The following ANKS1A variants were observed in gnomAD, a reference collection of about 807,000 sequenced individuals.
The protein encoded by ANKS1A is ankyrin repeat and SAM domain-containing protein 1A.
ANKS1A carries 55 observed loss-of-function variants against 120.3 expected under a neutral mutation model. That is an observed-to-expected ratio of 0.46 (90% CI 0.37 to 0.57). The LOEUF (loss-of-function observed/expected upper bound fraction) is 0.57, where lower values mean the gene tolerates loss of function less well. ANKS1A is among the 20% of genes least tolerant of loss of function. The pLI is 0.00. For synonymous variants in ANKS1A, 590 were observed against 604.7 expected (o/e 0.98, Z 0.36); for missense variants, 1,123 against 1,480.3 (o/e 0.76, Z 3.96).
At chr6:34,986,022 T>C (rs1302832447) in intron 8 of ANKS1A, among the ~76,000 whole-genome samples, 1 of 152,196 alleles carries the variant, frequency 6.6e-6, no homozygotes, top group Non-Finnish European at 1.5e-5. Flanking sequence ...CCAAACACCA[T>C]AGCTTAGCCT....
At chr6:34,918,753 C>T (rs1369326622) in intron 1 of ANKS1A, among the ~76,000 whole-genome samples, 2 of 152,280 alleles carry the variant, frequency 1.3e-5, no homozygotes, top group Non-Finnish European at 2.9e-5. Flanking sequence ...TGACAACACA[C>T]ATGAAATTTT....
intron 1 of ANKS1A, among the ~76,000 whole-genome samples, chr6:34,903,674 C>T (rs924856875): frequency 1.5e-4 from 23 of 151,898 alleles, no homozygotes; most frequent in East Asian, 7.7e-4. Context: ...ATTTTTTGTT[C>T]GTTTGTTTTG....
At chr6:34,894,599 C>G (rs1254012402) in intron 1 of ANKS1A, among the ~76,000 whole-genome samples, 1 of 152,068 alleles carries the variant, frequency 6.6e-6, no homozygotes, top group Non-Finnish European at 1.5e-5. Context: ...CTGCAGTGAG[C>G]CAAGATTGTT....
Position 35,090,328 on chromosome 6 carries a change from CT to C in ANKS1A, c.*1720del. On this transcript the variant is annotated 3_prime_UTR_variant, in exon 24 of 24. Coordinates refer to ENST00000360359, the MANE Select transcript of ANKS1A (RefSeq NM_015245.3). ...CCTAAAGCATCCAGAGTAGACTGCG[CT>C]GCCACTGCGCACATGCTGGTGCCCG... 1.6e-6 allele frequency: 2 copies of C among 1,285,466 alleles called. No individual in the cohort carries two copies. Among genetic ancestry groups the C allele is most frequent in the South Asian group, 2.5e-5 (2 of 80,752 alleles). 79.6% of individuals were successfully genotyped at this position (1,285,466 alleles called of 1,614,324 possible).
chr6:34,954,963 A>G (rs953320394), intron 1 of ANKS1A, among the ~76,000 whole-genome samples: 83 of 151,998 alleles, frequency 5.5e-4, no homozygotes, highest in African/African-American at 1.9e-3. Flanking sequence ...CTCCCCCTTC[A>G]TCCTTCAAGT....
At chr6:34,979,291 G>A (rs191719476) in intron 3 of ANKS1A, among the ~76,000 whole-genome samples, 279 of 152,306 alleles carry the variant, frequency 1.8e-3, no homozygotes, top group African/African-American at 6.3e-3. Flanking sequence ...GGCTCAAAAA[G>A]CCTACAGTAA....
chr6:34,973,216 A>T (rs1446767109), intron 3 of ANKS1A, among the ~76,000 whole-genome samples: 1 of 152,140 alleles, frequency 6.6e-6, no homozygotes, highest in Non-Finnish European at 1.5e-5. Context: ...TCTCTGCCTG[A>T]TGCTTTAAAA....
Position 35,017,970 on chromosome 6 carries a change from A to G in ANKS1A, c.1921A>G (p.Met641Val). 6.2e-7 allele frequency: 1 copy of G among 1,614,182 alleles called. No individual in the cohort carries two copies. The highest frequency in any genetic ancestry group is 8.5e-7 in the Non-Finnish European group (1 of 1,180,038). Residue 641 changes from methionine (M) to valine (V), a missense_variant, in exon 11 of 24, where the codon ATG (methionine) becomes GTG (valine). This residue lies in a region of ANKS1A where 904 missense variants were observed against 1,130.4 expected (regional missense o/e 0.80). Transcript: ENST00000360359. Reference protein sequence around the residue: ...LTCSPTEDATMGSRSESLSNC... With the variant: ...LTCSPTEDATVGSRSESLSNC... ...CTGCTCACCCACAGAGGACGCTACC[A>G]TGGGGAGTCGGAGTGAGTCCTTATC... is the stretch of plus-strand genomic sequence containing the variant.
intron 10 of ANKS1A, among the ~76,000 whole-genome samples, chr6:35,003,244 C>A (rs952426810): frequency 3.9e-5 from 6 of 152,078 alleles, no homozygotes; most frequent in Admixed American, 1.3e-4. Context: ...GGATACCAGA[C>A]CCCCATTTAC....
Position 35,091,101 on chromosome 6 carries a change from C to T in ANKS1A, c.*2492C>T, listed in dbSNP as rs1778282315. ...AGAAAGCAGCTCAGAAGTATTGTTG[C>T]TCATGGTGTGGCAATGGACTGAACT... On this transcript the variant is annotated 3_prime_UTR_variant, in exon 24 of 24. Coordinates refer to ENST00000360359, the MANE Select transcript of ANKS1A (RefSeq NM_015245.3). The T allele has an allele frequency of 1.0e-5, 10 of 985,798 alleles. No homozygotes were observed. In the South Asian group the frequency reaches 4.7e-4, roughly 46 times the overall value. 61.1% of individuals were successfully genotyped at this position (985,798 alleles called of 1,614,324 possible).
Position 35,076,074 on chromosome 6 carries a change from A to G in ANKS1A, c.2185-2484A>G, listed in dbSNP as rs569369304. 8.3e-4 allele frequency among the ~76,000 whole-genome samples: 126 copies of G among 152,274 alleles called. 1 individual carries two copies. Among genetic ancestry groups the G allele is most frequent in the Non-Finnish European group, 9.6e-4 (65 of 68,018 alleles). ...GCCATTGCACCTGGCCAATTTTCTT[A>G]TTATGTAAAGAACTCCTACATAGCT... On this transcript the variant is annotated intron_variant, in intron 13 of 23. Coordinates refer to ENST00000360359, the MANE Select transcript of ANKS1A (RefSeq NM_015245.3).
At chr6:34,896,056 C>G (rs528739415) in intron 1 of ANKS1A, among the ~76,000 whole-genome samples, 59 of 150,728 alleles carry the variant, frequency 3.9e-4, no homozygotes, top group Non-Finnish European at 7.5e-4. Context: ...AGCCACCGTG[C>G]CTGGCCTTTT....
At chr6:35,040,012 C>T (rs1775376259) in intron 11 of ANKS1A, among the ~76,000 whole-genome samples, 1 of 152,170 alleles carries the variant, frequency 6.6e-6, no homozygotes, top group African/African-American at 2.4e-5. Flanking sequence ...TAAACCCTAC[C>T]CTCATGAATT....
chr6:35,022,860 T>C (rs943504535), intron 11 of ANKS1A, among the ~76,000 whole-genome samples: 3 of 152,216 alleles, frequency 2.0e-5, no homozygotes, highest in African/African-American at 7.2e-5. Context: ...TGTGGATATC[T>C]TACCATGGCA....
Position 34,944,159 on chromosome 6 carries a change from T to C in ANKS1A, c.198-23080T>C, listed in dbSNP as rs1769667496. ...CGGGCATGGTGGTGGGTGCCTGTAG[T>C]CCCAGCTACTCAGGAGGCCGAGGCA... On this transcript the variant is annotated intron_variant, in intron 1 of 23. Coordinates refer to ENST00000360359, the MANE Select transcript of ANKS1A (RefSeq NM_015245.3). 1.3e-5 allele frequency among the ~76,000 whole-genome samples: 2 copies of C among 152,058 alleles called. 1 individual carries two copies. Among genetic ancestry groups the C allele is most frequent in the Non-Finnish European group, 2.9e-5 (2 of 68,016 alleles).
At chr6:34,975,761 AAAT>A (rs993880003) in intron 3 of ANKS1A, among the ~76,000 whole-genome samples, 7 of 152,012 alleles carry the variant, frequency 4.6e-5, no homozygotes, top group Admixed American at 3.3e-4. Flanking sequence ...CTCAAAAAAA[AAAT>A]AATAATAATA....
Position 35,010,301 on chromosome 6 carries a change from A to G in ANKS1A, c.1424-7172A>G, listed in dbSNP as rs568433162. ...GGCTGAATGTGACAGAAAACCCTCA[A>G]TAACTCTGGTTGAACAAGATAGAAG... On this transcript the variant is annotated intron_variant, in intron 10 of 23. Coordinates refer to ENST00000360359, the MANE Select transcript of ANKS1A (RefSeq NM_015245.3). 1.1e-4 allele frequency among the ~76,000 whole-genome samples: 16 copies of G among 152,326 alleles called. No homozygotes were observed. The South Asian group carries it at 3.1e-3, about 30-fold the overall frequency.
rs989200826 is a variant in ANKS1A at position 34,984,042 on chromosome 6, C to T, written c.1012+617C>T. Among the ~76,000 whole-genome samples the T allele has an allele frequency of 2.0e-5, 3 of 152,160 alleles. No homozygotes were observed. In the East Asian group the frequency reaches 5.8e-4, roughly 29 times the overall value. On this transcript the variant is annotated intron_variant, in intron 7 of 23. Transcript: ENST00000360359. ...AACTCCTGACCTTGAGATTTGCCTG[C>T]CTCAGCTTCCCAAAGTTCTGGGATT...
intron 20 of ANKS1A, 117 bp downstream of exon 20, chr6:35,083,620 C>T (rs1464188871): frequency 1.1e-6 from 1 of 937,910 alleles, no homozygotes; most frequent in Non-Finnish European, 1.7e-6. Flanking sequence ...CCTAGAGGGT[C>T]CCCAGTCCTC....
Sources: allele counts gnomAD v4.1 joint callset (sites outside exome capture counted in the v4.1 genomes callset), GRCh38; gene constraint gnomAD v4.1.1; regional missense constraint gnomAD v4.1.1; transcripts MANE v1.5; gene names NCBI Gene and HGNC (gene_info 2026-07-23, HGNC 2026-07-21).